The following STPG4 variants were observed in gnomAD, a reference collection of about 807,000 sequenced individuals.
STPG4 encodes the protein sperm-tail PG-rich repeat containing 4.
A neutral mutation model predicts 31.5 loss-of-function variants in STPG4; 41 were observed. The ratio of observed to expected loss-of-function variants is 1.30; its 90% CI spans 1.01 to 1.69. STPG4 has a LOEUF of 1.69. STPG4 is among the 40% of genes most tolerant of loss of function. The pLI is 0.00. For synonymous variants in STPG4, 141 were observed against 103.0 expected (o/e 1.37, Z -2.24); for missense variants, 375 against 293.4 (o/e 1.28, Z -2.03).
intron 5 of STPG4, among the ~76,000 whole-genome samples, chr2:47,113,876 T>TAC (rs1485223678): frequency 2.6e-5 from 4 of 151,468 alleles, no homozygotes; most frequent in Non-Finnish European, 2.9e-5. Context: ...CTACTAAAAA[T>TAC]ACAAAAAATT....
At chr2:47,139,238 G>A (rs1440957895) in intron 3 of STPG4, among the ~76,000 whole-genome samples, 1 of 152,074 alleles carries the variant, frequency 6.6e-6, no homozygotes, top group Non-Finnish European at 1.5e-5. Flanking sequence ...ATTAGTTATT[G>A]CCTCACATAT....
At chr2:47,105,760 TG>T (rs1410073871) in intron 5 of STPG4, among the ~76,000 whole-genome samples, 1 of 151,998 alleles carries the variant, frequency 6.6e-6, no homozygotes, top group Non-Finnish European at 1.5e-5. Flanking sequence ...GGCACTTACC[TG>T]AGCCTTAAAA....
chr2:47,093,957 C>T (rs1198451992), intron 5 of STPG4, among the ~76,000 whole-genome samples: 6 of 152,262 alleles, frequency 3.9e-5, no homozygotes, highest in Non-Finnish European at 8.8e-5. Context: ...CCGAGGACGG[C>T]TTGAGTGGAC....
intron 5 of STPG4, among the ~76,000 whole-genome samples, chr2:47,127,321 C>CGCA (rs988554488): frequency 7.8e-6 from 1 of 128,914 alleles, no homozygotes; most frequent in African/African-American, 3.1e-5. Flanking sequence ...CAGGCTGGAG[C>CGCA]GCAGCAGCAC....
At chr2:47,109,981 T>G (rs190054420) in intron 5 of STPG4, among the ~76,000 whole-genome samples, 1 of 152,008 alleles carries the variant, frequency 6.6e-6, no homozygotes, top group African/African-American at 2.4e-5. Context: ...AATCCTTTCC[T>G]TATTCTTTAT....
intron 2 of STPG4, among the ~76,000 whole-genome samples, chr2:47,152,247 T>C (rs1261581819): frequency 1.3e-5 from 2 of 152,194 alleles, no homozygotes; most frequent in African/African-American, 4.8e-5. Flanking sequence ...TGAAGGATAA[T>C]GACATGACAC....
chr2:47,113,571 G>A (rs1026375884), intron 5 of STPG4, among the ~76,000 whole-genome samples: 2 of 152,010 alleles, frequency 1.3e-5, no homozygotes, highest in Non-Finnish European at 2.9e-5. Flanking sequence ...CATATTAAAA[G>A]AACATTTTTA....
At chr2:47,107,150 C>G (rs1685929034) in intron 5 of STPG4, among the ~76,000 whole-genome samples, 1 of 152,078 alleles carries the variant, frequency 6.6e-6, no homozygotes, top group Non-Finnish European at 1.5e-5. Flanking sequence ...GCTTTCAGCA[C>G]CTCCTCTGCC....
At chr2:47,087,399 G>A (rs1685478739) in intron 6 of STPG4, among the ~76,000 whole-genome samples, 1 of 152,228 alleles carries the variant, frequency 6.6e-6, no homozygotes, top group South Asian at 2.1e-4. Context: ...GCTGGGAGAG[G>A]CGGGGTCACA....
intron 5 of STPG4, among the ~76,000 whole-genome samples, chr2:47,110,379 A>C (rs1686011120): frequency 6.6e-6 from 1 of 152,178 alleles, no homozygotes; most frequent in Non-Finnish European, 1.5e-5. Context: ...AGATCACTCG[A>C]GGTCAGGAGT....
chr2:47,122,686 AT>A (rs5830942), intron 5 of STPG4, among the ~76,000 whole-genome samples: 103,191 of 150,228 alleles, frequency 0.69, 36,799 homozygotes, highest in East Asian at 0.93. Flanking sequence ...AGTTTTCTCA[AT>A]TTTTTTTTTT....
chr2:47,090,297 T>C lies in STPG4; in HGVS notation c.597A>G (p.Arg199=). 6.4e-7 allele frequency: 1 copy of C among 1,551,728 alleles called. No homozygotes were observed. Among genetic ancestry groups the C allele is most frequent in the South Asian group, 1.2e-5 (1 of 84,054 alleles). The change falls in exon 6 of 7, where the codon AGA becomes AGG. Residue 199 remains arginine (R), a synonymous_variant. Transcript: ENST00000445927. ...AACAGCTGGGCAAGAATCGAGGGACTCTGGATTGAAAACAAGAAGTGACAG... is the reference window on the plus strand; with the variant it reads ...AACAGCTGGGCAAGAATCGAGGGACCCTGGATTGAAAACAAGAAGTGACAG... ...TSSVTSCFQS[R]VPRFLPSCSK... is the part of the protein sequence containing the mutation.
chr2:47,118,751 A>C (rs978951207), intron 5 of STPG4, among the ~76,000 whole-genome samples: 3 of 152,140 alleles, frequency 2.0e-5, no homozygotes, highest in African/African-American at 7.2e-5. Flanking sequence ...AATTAATACT[A>C]TCTCCCCAAG....
chr2:47,106,666 G>A (rs1386587699), intron 5 of STPG4, among the ~76,000 whole-genome samples: 1 of 151,876 alleles, frequency 6.6e-6, no homozygotes, highest in Non-Finnish European at 1.5e-5. Context: ...GTCAAGGATA[G>A]TATGAGATAC....
intron 5 of STPG4, among the ~76,000 whole-genome samples, chr2:47,113,508 A>C (rs968887074): frequency 6.6e-6 from 1 of 152,240 alleles, no homozygotes; most frequent in African/African-American, 2.4e-5. Context: ...TATTAAAACA[A>C]CTAATATGTT....
intron 3 of STPG4, among the ~76,000 whole-genome samples, chr2:47,145,710 A>C (rs1292196063): frequency 6.6e-6 from 1 of 152,236 alleles, no homozygotes; most frequent in Non-Finnish European, 1.5e-5. Context: ...AACCAATATT[A>C]ATCATCAGAC....
At chr2:47,121,751 T>A (rs1484158178) in intron 5 of STPG4, among the ~76,000 whole-genome samples, 1 of 152,134 alleles carries the variant, frequency 6.6e-6, no homozygotes, top group Non-Finnish European at 1.5e-5. Flanking sequence ...GAGAAGCTGT[T>A]CCTTACCTCT....
At position 47,104,927 on chromosome 2, in the gene STPG4, C is replaced by T. The variant is rs71423941; in HGVS notation, c.520-14553G>A. On this transcript the variant is annotated intron_variant, in intron 5 of 6. Transcript: ENST00000445927. The stretch of plus-strand genomic sequence containing the variant: ...CAGCCTATACTGGCTTATCCTTGCC[C>T]TAAGACGTTAAAACAGTTGAGGGGG... 1.1e-4 allele frequency among the ~76,000 whole-genome samples: 17 copies of T among 151,966 alleles called. 1 individual carries two copies. The highest frequency in any genetic ancestry group is 3.4e-4 in the African/African-American group (14 of 41,250).
At chr2:47,108,403 C>G (rs1310635092) in intron 5 of STPG4, 4 of 153,606 alleles carry the variant, frequency 2.6e-5, no homozygotes, top group African/African-American at 9.7e-5. Context: ...AGGTATGCAG[C>G]TTCACTCCTG....
Sources: gnomAD v4.1 joint callset for allele counts (sites outside exome capture counted in the v4.1 genomes callset) on GRCh38, gnomAD v4.1.1 for gene constraint, MANE v1.5 for transcripts, NCBI Gene and HGNC (gene_info 2026-07-23, HGNC 2026-07-21) for gene names.